KHK: variants seen among roughly 807,000 people sequenced by gnomAD.
The protein encoded by KHK is fructokinase.
Under a neutral mutation model 36.0 loss-of-function variants are expected in KHK, and 37 were observed. That is an observed-to-expected ratio of 1.03 (90% CI 0.79 to 1.35). KHK has a LOEUF of 1.35. KHK is among the 40% of genes most tolerant of loss of function. The pLI, the probability that KHK is intolerant of heterozygous loss-of-function variation, is 0.00. For missense variants in KHK, 395 were observed against 391.9 expected (o/e 1.01, Z -0.07); for synonymous variants, 161 against 162.8 (o/e 0.99, Z 0.08).
chr2:27,097,428 T>C, intron 4 of KHK, 75 bp from the exon 5 acceptor site: 1 of 1,597,848 alleles, frequency 6.3e-7, no homozygotes, highest in Non-Finnish European at 8.5e-7. Context: ...ACCCAGAGTT[T>C]CAGCGGGGCA....
chr2:27,096,704 C>T (rs1463199343), intron 3 of KHK, 25 bp from the exon 4 acceptor site: 1 of 1,604,438 alleles, frequency 6.2e-7, no homozygotes. Context: ...TCCTTCTTCT[C>T]TGTCTTTTCC....
At position 27,100,008 on chromosome 2, in the gene KHK, T is replaced by C. The variant is rs903588886; in HGVS notation, c.*258T>C. The C allele has an allele frequency of 2.8e-6, 2 of 721,548 alleles. No individual in the cohort carries two copies. Among genetic ancestry groups the C allele is most frequent in the Admixed American group, 4.5e-5 (2 of 44,038 alleles). 44.7% of individuals were successfully genotyped at this position (721,548 alleles called of 1,614,324 possible). ...ATGTCTGAACTGCTCTGGCTGGGCA[T>C]TCCTGAGGCTCTGACTCTTCGATCC... On this transcript the variant is annotated 3_prime_UTR_variant, in exon 8 of 8. Transcript: ENST00000260598.
intron 2 of KHK, 22 bp downstream of exon 2, chr2:27,092,470 C>T: frequency 6.5e-7 from 1 of 1,547,534 alleles, no homozygotes; most frequent in Non-Finnish European, 8.9e-7. Flanking sequence ...AGGGAGAGCC[C>T]ACTGGGGAAG....
At chr2:27,094,374 T>C (rs1448330296) in intron 2 of KHK, 2 of 1,404,024 alleles carry the variant, frequency 1.4e-6, no homozygotes, top group South Asian at 2.3e-5. Flanking sequence ...CCCCTTTGCT[T>C]GCACCCCTGC....
chr2:27,099,884 T>C lies in KHK; in HGVS notation c.*134T>C. The C allele has an allele frequency of 6.5e-7, 1 of 1,543,372 alleles. No homozygotes were observed. Among genetic ancestry groups the C allele is most frequent in the Non-Finnish European group, 8.8e-7 (1 of 1,141,270 alleles). ...CAAGCTGTGGGGAGGACTCTGCCTGTGTCCTGTGTTCCCCACAGGGAGAGG... is the reference window on the plus strand; with the variant it reads ...CAAGCTGTGGGGAGGACTCTGCCTGCGTCCTGTGTTCCCCACAGGGAGAGG... On this transcript the variant is annotated 3_prime_UTR_variant, in exon 8 of 8. Transcript: ENST00000260598.
chr2:27,097,554 A>C lies in KHK; in HGVS notation c.469A>C (p.Asn157His). The C allele has an allele frequency of 6.2e-7, 1 of 1,613,980 alleles. No homozygotes were observed. Among genetic ancestry groups the C allele is most frequent in the Non-Finnish European group, 8.5e-7 (1 of 1,180,026 alleles). The stretch of plus-strand genomic sequence containing the variant: ...GATGCTGCAGCGGATAGACGCACAC[A>C]ACACCAGGCAGCCTCCAGAGCAGAA... ...VKMLQRIDAHNTRQPPEQKIR... is the reference protein window; with the variant it reads ...VKMLQRIDAHHTRQPPEQKIR... Residue 157 changes from asparagine to histidine, a missense_variant, in exon 5 of 8, where the codon AAC (asparagine) becomes CAC (histidine). Coordinates refer to ENST00000260598, the MANE Select transcript of KHK (RefSeq NM_006488.3).
chr2:27,100,155 A>G lies in KHK; in HGVS notation c.*405A>G. 2.0e-6 allele frequency: 1 copy of G among 502,636 alleles called. No individual in the cohort carries two copies. The highest frequency in any genetic ancestry group is 3.6e-6 in the Non-Finnish European group (1 of 276,262). The allele number at this position is 502,636 out of a possible 1,614,324, so 31.1% of individuals were successfully genotyped here. ...ACCAGCTCTGCCCTGGCTGGGGAGG[A>G]CACTCGGTGCCCCACACCCAGTGAA... On this transcript the variant is annotated 3_prime_UTR_variant, in exon 8 of 8. Transcript: ENST00000260598.
chr2:27,094,505 T>C (rs993845886), intron 2 of KHK: 2 of 1,614,060 alleles, frequency 1.2e-6, no homozygotes, highest in Non-Finnish European at 1.7e-6. Flanking sequence ...CCGCCGCTAT[T>C]CTGTGGACCT....
intron 1 of KHK, among the ~76,000 whole-genome samples, chr2:27,089,090 C>A (rs1177693585): frequency 6.6e-6 from 1 of 152,190 alleles, no homozygotes; most frequent in Non-Finnish European, 1.5e-5. Context: ...GATAAGGAAG[C>A]TGAAGATTTG....
chr2:27,100,599 T>C lies in KHK; in HGVS notation c.*849T>C. 1 of 1,252,070 alleles carries C rather than the reference T, an allele frequency of 8.0e-7. No individual in the cohort carries two copies. Among genetic ancestry groups the C allele is most frequent in the Non-Finnish European group, 1.0e-6 (1 of 956,184 alleles). The allele number at this position is 1,252,070 out of a possible 1,614,324, so 77.6% of individuals were successfully genotyped here. ...GCTTTAGAGTGAGACAGACCTGGAT[T>C]AAAATCTGCCATTTAATTAGCTGCA... On this transcript the variant is annotated 3_prime_UTR_variant, in exon 8 of 8. Coordinates refer to ENST00000260598, the MANE Select transcript of KHK (RefSeq NM_006488.3).
intron 5 of KHK, chr2:27,098,988 C>T (rs1670594896): frequency 1.8e-6 from 1 of 553,410 alleles, no homozygotes; most frequent in East Asian, 3.4e-5. Context: ...TCATATGGGG[C>T]CAGGAGTTCA....
At chr2:27,094,981 CTCAA>C (rs1244449557) in intron 3 of KHK, 47 bp downstream of exon 3, 14 of 1,609,672 alleles carry the variant, frequency 8.7e-6, no homozygotes, top group Non-Finnish European at 1.1e-5. Context: ...AATCAGTTGG[CTCAA>C]TCAGTTCCCT....
rs1280055433 is a variant in KHK, at chr2:27,100,438, A to C, written c.*688A>C. ...CACCTTGGAATTAAGGGCGTGCCTC[A>C]GCCACAAATGTGACCCAGGATACAG... On this transcript the variant is annotated 3_prime_UTR_variant, in exon 8 of 8. Transcript: ENST00000260598. The C allele has an allele frequency of 7.7e-7, 1 of 1,291,016 alleles. No individual in the cohort carries two copies. The highest frequency in any genetic ancestry group is 1.0e-6 in the Non-Finnish European group (1 of 988,866). 80.0% of individuals were successfully genotyped at this position (1,291,016 alleles called of 1,614,324 possible).
intron 1 of KHK, among the ~76,000 whole-genome samples, chr2:27,090,897 A>G (rs183471193): frequency 1.4e-3 from 210 of 151,972 alleles, no homozygotes; most frequent in African/African-American, 4.8e-3. Context: ...CTACGAAAAA[A>G]TTTTTTAAAT....
rs766162588 is a variant in KHK, at chr2:27,097,575, C to T, written c.490C>T (p.Gln164Ter). The T allele has an allele frequency of 1.2e-6, 2 of 1,613,914 alleles. No homozygotes were observed. Among genetic ancestry groups the T allele is most frequent in the Non-Finnish European group, 8.5e-7 (1 of 1,180,054 alleles). The part of the protein sequence containing the change: ...DAHNTRQPPE[Q>*]KIRVSVEVEK... ...ACACAACACCAGGCAGCCTCCAGAG[C>T]AGAAGATCCGGGTGTCCGTGGAGGT... Residue 164 changes from glutamine to a stop codon, truncating the protein, a stop_gained, in exon 5 of 8, where the codon CAG becomes TAG. Coordinates refer to ENST00000260598, the MANE Select transcript of KHK (RefSeq NM_006488.3). LOFTEE classifies it high-confidence loss of function.
At position 27,099,228 on chromosome 2, in the gene KHK, G is replaced by A; in HGVS notation, c.597G>A (p.Leu199=). ...VFVSKDVAKH[L]GFQSAEEALR... is the part of the protein sequence containing the mutation. ...TCAGCAAAGATGTGGCCAAGCACTT[G>A]GGGTTCCAGTCAGCAGAGGAAGCCT... Residue 199 remains leucine, a synonymous_variant, in exon 6 of 8, where the codon TTG becomes TTA. Transcript: ENST00000260598. 6.2e-7 allele frequency: 1 copy of A among 1,614,156 alleles called. No homozygotes were observed. Among genetic ancestry groups the A allele is most frequent in the Non-Finnish European group, 8.5e-7 (1 of 1,180,036 alleles).
intron 1 of KHK, among the ~76,000 whole-genome samples, chr2:27,088,925 C>CA (rs1669824937): frequency 6.6e-6 from 1 of 152,156 alleles, no homozygotes; most frequent in Non-Finnish European, 1.5e-5. Flanking sequence ...TCCACAAAGA[C>CA]ACGACAGTGC....
intron 1 of KHK, among the ~76,000 whole-genome samples, chr2:27,088,413 T>C (rs1669794150): frequency 6.6e-6 from 1 of 151,904 alleles, no homozygotes; most frequent in Non-Finnish European, 1.5e-5. Flanking sequence ...AGCCGATTTG[T>C]TGGTTCTTTT....
chr2:27,088,319 G>A (rs1669787606), intron 1 of KHK, among the ~76,000 whole-genome samples: 1 of 152,082 alleles, frequency 6.6e-6, no homozygotes, highest in Admixed American at 6.5e-5. Flanking sequence ...ACTGATCAGA[G>A]TGGTCTTGAG....
Sources: gnomAD v4.1 joint callset for allele counts (sites outside exome capture counted in the v4.1 genomes callset) on GRCh38, gnomAD v4.1.1 for gene constraint, MANE v1.5 for transcripts, NCBI Gene and HGNC (gene_info 2026-07-23, HGNC 2026-07-21) for gene names.